SPOCK3: variants seen among roughly 807,000 people sequenced by gnomAD.
SPOCK3 encodes the protein SPARC (osteonectin), cwcv and kazal like domains proteoglycan 3, also known as testican-3.
In SPOCK3, 30 loss-of-function variants were observed where a neutral mutation model predicts 56.6. That is an observed-to-expected ratio of 0.53 (90% CI 0.40 to 0.72). The LOEUF is 0.72. SPOCK3 is among the 30% of genes least tolerant of loss of function. SPOCK3 has a pLI of 0.00. For synonymous variants in SPOCK3, 196 were observed against 183.3 expected (o/e 1.07, Z -0.56); for missense variants, 527 against 530.0 (o/e 0.99, Z 0.06).
intron 7 of SPOCK3, among the ~76,000 whole-genome samples, chr4:166,768,327 C>T (rs912799291): frequency 6.6e-5 from 10 of 152,082 alleles, no homozygotes; most frequent in African/African-American, 1.7e-4. Context: ...TGGCTGGTAC[C>T]GATTGTTCCT....
chr4:166,907,218 C>G (rs879555333), intron 5 of SPOCK3, among the ~76,000 whole-genome samples: 12 of 152,136 alleles, frequency 7.9e-5, no homozygotes, highest in African/African-American at 2.9e-4. Flanking sequence ...ATTATATCTT[C>G]CCTACAGATA....
intron 5 of SPOCK3, among the ~76,000 whole-genome samples, chr4:166,910,341 A>G: frequency 6.6e-6 from 1 of 152,180 alleles, no homozygotes; most frequent in East Asian, 1.9e-4. Context: ...GTAAATAAAT[A>G]TTAAAATAAT....
At chr4:166,947,837 TCC>T (rs1276962731) in intron 4 of SPOCK3, among the ~76,000 whole-genome samples, 1 of 152,178 alleles carries the variant, frequency 6.6e-6, no homozygotes, top group Non-Finnish European at 1.5e-5. Flanking sequence ...CATGTCCAGC[TCC>T]TCACATATTT....
chr4:167,217,033 T>C lies in SPOCK3; in HGVS notation c.189+16952A>G, dbSNP rs538532299. ...TTGCCAAACTAAACACATGTACAAA[T>C]TGCCTTATCCAATGGCTTTGTTAAA... On this transcript the variant is annotated intron_variant, in intron 2 of 10. Coordinates refer to ENST00000357545, the MANE Select transcript of SPOCK3 (RefSeq NM_001040159.2). Among the ~76,000 whole-genome samples, 11 of 152,214 alleles carry C rather than the reference T, an allele frequency of 7.2e-5. No individual in the cohort carries two copies. In the East Asian group the frequency reaches 1.7e-3, roughly 24 times the overall value.
chr4:166,999,188 T>C (rs1748700788), intron 4 of SPOCK3, among the ~76,000 whole-genome samples: 2 of 152,192 alleles, frequency 1.3e-5, no homozygotes, highest in African/African-American at 2.4e-5. Context: ...CACGAGTACA[T>C]TATTGATATA....
intron 6 of SPOCK3, among the ~76,000 whole-genome samples, chr4:166,888,061 C>G (rs1326286678): frequency 1.3e-5 from 2 of 151,864 alleles, no homozygotes; most frequent in African/African-American, 4.8e-5. Flanking sequence ...GTTTTTTCAT[C>G]TTAAATATTT....
At chr4:166,856,160 G>GGGA (rs144233724) in intron 6 of SPOCK3, among the ~76,000 whole-genome samples, 31,820 of 149,988 alleles carry the variant, frequency 0.21, 4,456 homozygotes, top group East Asian at 0.68. Flanking sequence ...AGAGACTGAG[G>GGGA]GGAGGAGGAG....
chr4:166,786,825 C>T (rs1579223103), intron 7 of SPOCK3, among the ~76,000 whole-genome samples: 1 of 152,114 alleles, frequency 6.6e-6, no homozygotes. Context: ...TGGATTGTAC[C>T]TATGGCCTTT....
In SPOCK3 at chr4:166,843,043, G is replaced by A. The variant is rs558517673; in HGVS notation, c.589+46087C>T. On this transcript the variant is annotated intron_variant, in intron 6 of 10. Transcript: ENST00000357545. ...GGCCGGCGCTGCTGGGGGGCCTGGC[G>A]CACCCTCCGCAGCTGCTGGCCTGGG... Among the ~76,000 whole-genome samples, 6 of 152,324 alleles carry A rather than the reference G, an allele frequency of 3.9e-5. No individual in the cohort carries two copies. The East Asian group carries it at 5.8e-4, about 15-fold the overall frequency.
intron 4 of SPOCK3, among the ~76,000 whole-genome samples, chr4:166,999,377 AATGTAAC>A (rs760008074): frequency 3.9e-5 from 6 of 152,142 alleles, no homozygotes; most frequent in Non-Finnish European, 8.8e-5. Flanking sequence ...GAGAAACATC[AATGTAAC>A]TTAAATATTT....
chr4:167,074,417 T>C (rs527917538), intron 2 of SPOCK3, among the ~76,000 whole-genome samples: 1 of 151,946 alleles, frequency 6.6e-6, no homozygotes, highest in African/African-American at 2.4e-5. Flanking sequence ...ACTTCACGTA[T>C]TTGGGGGCAG....
At chr4:166,800,241 T>A (rs993727712) in intron 6 of SPOCK3, among the ~76,000 whole-genome samples, 7 of 148,606 alleles carry the variant, frequency 4.7e-5, no homozygotes, top group African/African-American at 1.8e-4. Flanking sequence ...AAGGTCTTTA[T>A]TAATAAAGAG....
intron 4 of SPOCK3, among the ~76,000 whole-genome samples, chr4:166,947,014 T>C (rs560435989): frequency 1.3e-5 from 2 of 152,188 alleles, no homozygotes; most frequent in African/African-American, 4.8e-5. Flanking sequence ...ACTTAAAATG[T>C]ATCCTAAAAT....
At position 167,192,253 on chromosome 4, in the gene SPOCK3, T is replaced by A. The variant is rs533568505; in HGVS notation, c.189+41732A>T. On this transcript the variant is annotated intron_variant, in intron 2 of 10. Coordinates refer to ENST00000357545, the MANE Select transcript of SPOCK3 (RefSeq NM_001040159.2). ...GCTTATAATTTTCTTTTATTGTAAT[T>A]TCCTCTTCTGGCTTTGGTATTACGC... Among the ~76,000 whole-genome samples the A allele has an allele frequency of 1.4e-3, 208 of 146,178 alleles. 31 individuals carry two copies. The highest frequency in any genetic ancestry group is 3.9e-3 in the African/African-American group (149 of 38,472).
chr4:166,794,639 C>T (rs1279232339), intron 6 of SPOCK3, among the ~76,000 whole-genome samples: 24 of 138,972 alleles, frequency 1.7e-4, no homozygotes, highest in East Asian at 4.2e-4. Flanking sequence ...TTCTTTCTTT[C>T]TTTCTTTTTT....
intron 2 of SPOCK3, among the ~76,000 whole-genome samples, chr4:167,191,414 A>G (rs1732460969): frequency 6.9e-6 from 1 of 145,634 alleles, no homozygotes; most frequent in Non-Finnish European, 1.5e-5. Context: ...CTTCCAATCT[A>G]CGAATATATC....
At position 167,000,352 on chromosome 4, in the gene SPOCK3, T is replaced by C; in HGVS notation, c.347A>G (p.His116Arg). Residue 116 changes from histidine to arginine, a missense_variant, in exon 4 of 11, where the codon CAC (histidine) becomes CGC (arginine). Transcript: ENST00000357545. ...GATTAAATTTAACAATGTTTACCTG[T>C]GTGTAAGCCTCCGGTGACTAATGCA... ...AVCISHRRLT[H>R]RMKEAGVDHR... 1 of 1,513,506 alleles carries C rather than the reference T, an allele frequency of 6.6e-7. No homozygotes were observed. Among genetic ancestry groups the C allele is most frequent in the Non-Finnish European group, 9.1e-7 (1 of 1,100,220 alleles). 93.8% of individuals were successfully genotyped at this position (1,513,506 alleles called of 1,614,324 possible).
At chr4:166,841,497 A>C (rs779001679) in intron 6 of SPOCK3, among the ~76,000 whole-genome samples, 3 of 152,178 alleles carry the variant, frequency 2.0e-5, no homozygotes, top group Non-Finnish European at 4.4e-5. Flanking sequence ...AAAATAAGGA[A>C]TCATTCTCTG....
intron 7 of SPOCK3, among the ~76,000 whole-genome samples, chr4:166,767,605 C>T (rs866010761): frequency 1.3e-5 from 2 of 152,166 alleles, no homozygotes; most frequent in Non-Finnish European, 2.9e-5. Context: ...TGCTTTCCTT[C>T]CAACTAAGTG....
Sources: allele counts gnomAD v4.1 joint callset (sites outside exome capture counted in the v4.1 genomes callset), GRCh38; gene constraint gnomAD v4.1.1; transcripts MANE v1.5; gene names NCBI Gene and HGNC (gene_info 2026-07-23, HGNC 2026-07-21).